The following NKAIN2 variants were observed in gnomAD, a reference collection of about 807,000 sequenced individuals.
NKAIN2 encodes sodium/potassium-transporting ATPase subunit beta-1-interacting protein 2.
In NKAIN2, 14 loss-of-function variants were observed where a neutral mutation model predicts 32.6. That is an observed-to-expected ratio of 0.43 (90% CI 0.28 to 0.67). The LOEUF is 0.67. Ranked by LOEUF, NKAIN2 falls within the 30% of genes least tolerant of loss-of-function variation. The pLI is 0.17. For synonymous variants in NKAIN2, 80 were observed against 87.2 expected, an observed-to-expected ratio of 0.92 and a Z score of 0.46; for missense variants, 198 against 258.3, an observed-to-expected ratio of 0.77 and a Z score of 1.60.
At chr6:123,844,647 A>G (rs1295198740) in intron 1 of NKAIN2, among the ~76,000 whole-genome samples, 1 of 152,230 alleles carries the variant, frequency 6.6e-6, no homozygotes, top group Non-Finnish European at 1.5e-5. Context: ...ACATGGATAC[A>G]TATGTGCTTC....
intron 1 of NKAIN2, among the ~76,000 whole-genome samples, chr6:124,034,443 A>G (rs982973612): frequency 1.3e-5 from 2 of 152,058 alleles, no homozygotes; most frequent in Non-Finnish European, 2.9e-5. Context: ...GCTACAAAAG[A>G]CATGATTTCA....
At chr6:124,555,055 A>C (rs1233486179) in intron 3 of NKAIN2, among the ~76,000 whole-genome samples, 1 of 152,174 alleles carries the variant, frequency 6.6e-6, no homozygotes, top group Non-Finnish European at 1.5e-5. Context: ...GGACAACTCC[A>C]GTTAAACCTT....
chr6:124,818,608 G>T (rs1781270778), intron 6 of NKAIN2, 140 bp downstream of exon 6: 1 of 431,192 alleles, frequency 2.3e-6, no homozygotes, highest in Non-Finnish European at 4.2e-6. Context: ...TGTCTTGGCT[G>T]GGATAATTTT....
At chr6:124,057,263 G>T (rs1282795203) in intron 1 of NKAIN2, among the ~76,000 whole-genome samples, 1 of 151,936 alleles carries the variant, frequency 6.6e-6, no homozygotes. Flanking sequence ...AACCAAACAG[G>T]TTGTTCTCAT....
intron 3 of NKAIN2, among the ~76,000 whole-genome samples, chr6:124,405,207 T>A (rs1583197000): frequency 6.6e-6 from 1 of 152,200 alleles, no homozygotes; most frequent in Non-Finnish European, 1.5e-5. Context: ...ACTAAGTTTT[T>A]GCAAATATGT....
intron 1 of NKAIN2, among the ~76,000 whole-genome samples, chr6:124,060,790 T>C (rs938439373): frequency 7.9e-5 from 12 of 152,204 alleles, no homozygotes; most frequent in African/African-American, 2.9e-4. Flanking sequence ...TTAAAAAATA[T>C]AAAACAATAG....
At chr6:123,967,672 T>C (rs993150070) in intron 1 of NKAIN2, among the ~76,000 whole-genome samples, 4 of 151,956 alleles carry the variant, frequency 2.6e-5, no homozygotes, top group Admixed American at 1.3e-4. Flanking sequence ...AACTGACACA[T>C]TATGTGAAAA....
rs148577563 is a variant in NKAIN2, at chr6:124,725,386, G to C, written c.475-65953G>C. Among the ~76,000 whole-genome samples, 49 of 152,190 alleles carry C rather than the reference G, an allele frequency of 3.2e-4. No homozygotes were observed. The East Asian group carries it at 8.7e-3, about 27-fold the overall frequency. Reference sequence around the variant, plus strand: ...CCCAAAGCACTGAGATTATAGATGTGAGCCATCGCACCCAGCCCCTTATGC... The same window carrying C: ...CCCAAAGCACTGAGATTATAGATGTCAGCCATCGCACCCAGCCCCTTATGC... On this transcript the variant is annotated intron_variant, in intron 4 of 6. Transcript: ENST00000368417.
chr6:124,770,238 G>T (rs781687876), intron 4 of NKAIN2, among the ~76,000 whole-genome samples: 4 of 152,194 alleles, frequency 2.6e-5, no homozygotes, highest in African/African-American at 4.8e-5. Context: ...GGTATCACCT[G>T]TTCCTAGATG....
At chr6:123,867,932 G>C (rs1033475209) in intron 1 of NKAIN2, among the ~76,000 whole-genome samples, 1 of 148,424 alleles carries the variant, frequency 6.7e-6, no homozygotes, top group Non-Finnish European at 1.5e-5. Context: ...GCAGTGGCGT[G>C]ATCTCTGCTC....
intron 1 of NKAIN2, among the ~76,000 whole-genome samples, chr6:124,074,917 A>G (rs1182938735): frequency 6.6e-6 from 1 of 152,200 alleles, no homozygotes; most frequent in Non-Finnish European, 1.5e-5. Flanking sequence ...CTTGAGAACA[A>G]AATCTATTTA....
intron 1 of NKAIN2, among the ~76,000 whole-genome samples, chr6:124,247,771 A>G (rs777670951): frequency 3.3e-5 from 5 of 152,136 alleles, no homozygotes; most frequent in African/African-American, 4.8e-5. Flanking sequence ...ATTAAGTTAT[A>G]TATTGTTGGG....
chr6:124,531,951 G>A (rs1166907957), intron 3 of NKAIN2, among the ~76,000 whole-genome samples: 2 of 152,158 alleles, frequency 1.3e-5, no homozygotes, highest in South Asian at 2.1e-4. Context: ...GGTTACAGGC[G>A]TGAACCACCC....
At chr6:123,870,820 AG>A (rs1455948574) in intron 1 of NKAIN2, among the ~76,000 whole-genome samples, 1 of 152,162 alleles carries the variant, frequency 6.6e-6, no homozygotes, top group Non-Finnish European at 1.5e-5. Flanking sequence ...AATATTAGAT[AG>A]GAGAAAAATT....
intron 1 of NKAIN2, among the ~76,000 whole-genome samples, chr6:124,087,810 G>A (rs1188252523): frequency 6.6e-6 from 1 of 151,954 alleles, no homozygotes; most frequent in East Asian, 1.9e-4. Flanking sequence ...CGGTAGACAT[G>A]GATAGTTGGC....
At chr6:124,453,150 T>C (rs1776174896) in intron 3 of NKAIN2, among the ~76,000 whole-genome samples, 1 of 152,068 alleles carries the variant, frequency 6.6e-6, no homozygotes, top group African/African-American at 2.4e-5. Flanking sequence ...GACTTCACTT[T>C]AAAGTACTCA....
At chr6:124,655,139 T>C (rs899532410) in intron 3 of NKAIN2, among the ~76,000 whole-genome samples, 23 of 152,116 alleles carry the variant, frequency 1.5e-4, no homozygotes, top group African/African-American at 5.5e-4. Context: ...ATTTATATAA[T>C]TGTTAATTCC....
At chr6:124,433,865 A>G (rs879266153) in intron 3 of NKAIN2, among the ~76,000 whole-genome samples, 3 of 152,130 alleles carry the variant, frequency 2.0e-5, no homozygotes, top group Non-Finnish European at 4.4e-5. Context: ...CTTGTAAACC[A>G]CAAAAGCATT....
At chr6:124,020,089 C>A (rs1278875982) in intron 1 of NKAIN2, among the ~76,000 whole-genome samples, 1 of 152,066 alleles carries the variant, frequency 6.6e-6, no homozygotes, top group Non-Finnish European at 1.5e-5. Context: ...CTCTTTCCTT[C>A]CTTATGATAT....
Sources: allele counts gnomAD v4.1 joint callset (sites outside exome capture counted in the v4.1 genomes callset), GRCh38; gene constraint gnomAD v4.1.1; transcripts MANE v1.5; gene names NCBI Gene and HGNC (gene_info 2026-07-23, HGNC 2026-07-21).